The following ATP2B2 variants were observed in gnomAD, a reference collection of about 807,000 sequenced individuals.
The protein encoded by ATP2B2 is plasma membrane calcium-transporting ATPase 2.
Under a neutral mutation model 120.0 loss-of-function variants are expected in ATP2B2, and 15 were observed. The observed-to-expected ratio is 0.12, with a 90% CI of 0.08 to 0.19. ATP2B2 has a LOEUF of 0.19. Ranked by LOEUF, ATP2B2 falls within the 10% of genes least tolerant of loss-of-function variation. The pLI is 1.00. For missense variants in ATP2B2, 1,045 were observed against 1,719.8 expected, an observed-to-expected ratio of 0.61 and a Z score of 6.94; for synonymous variants, 694 against 700.3, an observed-to-expected ratio of 0.99 and a Z score of 0.14.
At chr3:10,349,964 G>A (rs1343714595) in intron 16 of ATP2B2, 148 bp downstream of exon 16, 3 of 761,866 alleles carry the variant, frequency 3.9e-6, no homozygotes, top group East Asian at 5.4e-5. Context: ...GCTGAAAAGG[G>A]GGTGACATAA....
chr3:10,340,175 T>G lies in ATP2B2; in HGVS notation c.3237+67A>C. 4 of 1,490,964 alleles carry G rather than the reference T, an allele frequency of 2.7e-6. No individual in the cohort carries two copies. The highest frequency in any genetic ancestry group is 3.7e-6 in the Non-Finnish European group (4 of 1,075,014). The allele number at this position is 1,490,964 out of a possible 1,614,324, so 92.4% of individuals were successfully genotyped here. A position where few individuals can be genotyped will look rare whatever the true frequency, so the allele number is the denominator to read the frequency against. On this transcript the variant is annotated intron_variant, in intron 21 of 22. Coordinates refer to ENST00000360273, the MANE Select transcript of ATP2B2 (RefSeq NM_001001331.4). This position sits in a 1 kb window ranked among gnomAD's most constrained non-coding sequence, Gnocchi z 5.0. ...GCAGCCCATTCCTGGGGGTCCTGGA[T>G]TCTCCATCCAGTGCTGTCTCCCTTG...
intron 1 of ATP2B2, among the ~76,000 whole-genome samples, chr3:10,640,056 C>T (rs1453644844): frequency 6.6e-6 from 1 of 152,142 alleles, no homozygotes; most frequent in Admixed American, 6.5e-5. Context: ...TAGGCTCAGG[C>T]AAATTAGGAT....
At chr3:10,383,841 T>C (rs1391104866) in intron 8 of ATP2B2, among the ~76,000 whole-genome samples, 1 of 152,224 alleles carries the variant, frequency 6.6e-6, no homozygotes, top group Non-Finnish European at 1.5e-5. Flanking sequence ...AGTCTGGAAG[T>C]AAAGCTGCCC....
chr3:10,358,536 G>T (rs1413523535), intron 14 of ATP2B2, among the ~76,000 whole-genome samples, 155 bp downstream of exon 14: 2 of 152,214 alleles, frequency 1.3e-5, no homozygotes, highest in Non-Finnish European at 2.9e-5. Context: ...GTTTCTCATG[G>T]GCAATCCTCT....
intron 1 of ATP2B2, among the ~76,000 whole-genome samples, chr3:10,670,636 G>A (rs150133330): frequency 0.07 from 10,580 of 152,138 alleles, 509 homozygotes; most frequent in South Asian, 0.14. Context: ...GGTCAGGCTG[G>A]TCTCGAACTC....
intron 1 of ATP2B2, chr3:10,625,981 T>C (rs2069687670): frequency 6.6e-6 from 1 of 152,148 alleles, no homozygotes; most frequent in African/African-American, 2.4e-5. Flanking sequence ...TGACAGCTGT[T>C]ACCATTTTTT....
At chr3:10,582,203 G>A (rs1237207010) in intron 2 of ATP2B2, among the ~76,000 whole-genome samples, 1 of 152,170 alleles carries the variant, frequency 6.6e-6, no homozygotes, top group Non-Finnish European at 1.5e-5. Context: ...TGTTTCTTGG[G>A]GGGACCGGGG....
At chr3:10,532,250 T>C (rs925733531) in intron 3 of ATP2B2, among the ~76,000 whole-genome samples, 1 of 152,180 alleles carries the variant, frequency 6.6e-6, no homozygotes, top group Non-Finnish European at 1.5e-5. Context: ...GTCCCATTCA[T>C]AAAGGCACAT....
At chr3:10,626,043 T>TG (rs1300509499) in intron 1 of ATP2B2, 7 of 141,364 alleles carry the variant, frequency 5.0e-5, no homozygotes, top group Non-Finnish European at 1.1e-4. Flanking sequence ...TTATTTTGGT[T>TG]GAAAAAAAGT....
chr3:10,542,515 T>C (rs908391018), intron 2 of ATP2B2, among the ~76,000 whole-genome samples: 1 of 152,204 alleles, frequency 6.6e-6, no homozygotes, highest in African/African-American at 2.4e-5. Context: ...CAGCCATTCT[T>C]TTAGGATAGG....
rs57211710 is a variant in ATP2B2 at position 10,499,931 on chromosome 3, C to CT, written c.-320+5533dup. Among the ~76,000 whole-genome samples, 1,137 of 117,566 alleles carry CT rather than the reference C, an allele frequency of 9.7e-3. 11 individuals are homozygous for CT. The highest frequency in any genetic ancestry group is 0.016 in the African/African-American group (467 of 28,600). The allele number at this position is 117,566 out of a possible 152,430, so 77.1% of individuals were successfully genotyped here. On this transcript the variant is annotated intron_variant, in intron 1 of 22. Coordinates refer to ENST00000360273, the MANE Select transcript of ATP2B2 (RefSeq NM_001001331.4). ...ACTTGCTGTGTGACTTGGGCACATTCTTTTTTTTTTTTTTTTTTTTTTGAG... is the reference window on the plus strand; with the variant it reads ...ACTTGCTGTGTGACTTGGGCACATTCTTTTTTTTTTTTTTTTTTTTTTTGAG...
At chr3:10,407,690 T>C (rs983798008) in intron 3 of ATP2B2, among the ~76,000 whole-genome samples, 8 of 152,236 alleles carry the variant, frequency 5.3e-5, no homozygotes, top group Non-Finnish European at 1.2e-4. Flanking sequence ...GCTCACACTG[T>C]CCACCCCTGC....
At position 10,328,137 on chromosome 3, in the gene ATP2B2, ATATC is replaced by A. The variant is rs2125316481; in HGVS notation, c.*673_*676del. ...TATATATATTTATATATATATATAT[ATATC>A]TACCTATCTATATGGACGTATACAG... On this transcript the variant is annotated 3_prime_UTR_variant, in exon 23 of 23. Coordinates refer to ENST00000360273, the MANE Select transcript of ATP2B2 (RefSeq NM_001001331.4). The A allele has an allele frequency of 6.7e-6, 1 of 150,022 alleles. No homozygotes were observed. The highest frequency in any genetic ancestry group is 2.1e-4 in the South Asian group (1 of 4,790). The allele number at this position is 150,022 out of a possible 1,614,324, so 9.3% of individuals were successfully genotyped here. A position where few individuals can be genotyped will look rare whatever the true frequency, so the allele number is the denominator to read the frequency against.
chr3:10,458,177 C>A (rs1351305278), intron 1 of ATP2B2, among the ~76,000 whole-genome samples: 1 of 152,150 alleles, frequency 6.6e-6, no homozygotes, highest in Non-Finnish European at 1.5e-5. Context: ...TGTTCATCCA[C>A]CTACCCAATA....
chr3:10,399,615 A>G (rs2062153313), intron 5 of ATP2B2, among the ~76,000 whole-genome samples: 1 of 152,238 alleles, frequency 6.6e-6, no homozygotes. Flanking sequence ...AACCAGTGGC[A>G]CACAGTATGT....
intron 15 of ATP2B2, 50 bp downstream of exon 15, chr3:10,350,348 C>A (rs1435334178): frequency 6.2e-7 from 1 of 1,612,914 alleles, no homozygotes; most frequent in South Asian, 1.1e-5. Context: ...TACCTCCCAG[C>A]TCCCATCTGA....
In ATP2B2 at chr3:10,437,535, G is replaced by A. The variant is rs1451952153; in HGVS notation, c.199+11810C>T. On this transcript the variant is annotated intron_variant, in intron 2 of 22. Coordinates refer to ENST00000360273, the MANE Select transcript of ATP2B2 (RefSeq NM_001001331.4). The stretch of plus-strand genomic sequence containing the variant: ...CACTTCCTAACGCCCACTTCTTAAC[G>A]CCCACTGAGCATCGGGCTTGGGGGA... Among the ~76,000 whole-genome samples, 7 of 152,132 alleles carry A rather than the reference G, an allele frequency of 4.6e-5. No homozygotes were observed. In the South Asian group the frequency reaches 6.2e-4, roughly 14 times the overall value.
intron 12 of ATP2B2, among the ~76,000 whole-genome samples, chr3:10,364,793 T>C (rs1170695797): frequency 6.6e-6 from 1 of 152,192 alleles, no homozygotes; most frequent in Non-Finnish European, 1.5e-5. Flanking sequence ...CGGCAGTAAC[T>C]GCAATGTGAT....
intron 1 of ATP2B2, among the ~76,000 whole-genome samples, chr3:10,503,057 T>C (rs1559421856): frequency 6.6e-6 from 1 of 152,150 alleles, no homozygotes. Flanking sequence ...TGGATTACTA[T>C]TATTTACTTG....
Sources: allele counts gnomAD v4.1 joint callset (sites outside exome capture counted in the v4.1 genomes callset), GRCh38; gene constraint gnomAD v4.1.1; non-coding constraint Gnocchi (gnomAD v3.1); transcripts MANE v1.5; gene names NCBI Gene and HGNC (gene_info 2026-07-23, HGNC 2026-07-21).